NXPE2: variants seen among roughly 807,000 people sequenced by gnomAD.
NXPE2 encodes the protein NXPE family member 2.
A neutral mutation model predicts 34.4 loss-of-function variants in NXPE2; 34 were observed. That is an observed-to-expected ratio of 0.99 (90% CI 0.75 to 1.31). The LOEUF (loss-of-function observed/expected upper bound fraction) is 1.31. NXPE2 is among the 40% of genes most tolerant of loss of function. NXPE2 has a pLI of 0.00. For missense variants in NXPE2, 649 were observed against 672.5 expected (o/e 0.97, Z 0.39); for synonymous variants, 235 against 231.3 (o/e 1.02, Z -0.15).
chr11:114,647,457 G>A, the NXPE2 span, among the ~76,000 whole-genome samples: 1 of 152,020 alleles, frequency 6.6e-6, no homozygotes, highest in Non-Finnish European at 1.5e-5. Context: ...TATTTAAAGG[G>A]GGACAAAGTC....
the NXPE2 span, among the ~76,000 whole-genome samples, chr11:114,720,654 CATT>C: frequency 6.6e-6 from 1 of 152,094 alleles, no homozygotes; most frequent in Non-Finnish European, 1.5e-5. Flanking sequence ...TAAAATATCT[CATT>C]AATAATCTTT....
At chr11:114,684,492 T>C (rs1262133335) in intron 2 of NXPE2, among the ~76,000 whole-genome samples, 1 of 152,094 alleles carries the variant, frequency 6.6e-6, no homozygotes, top group African/African-American at 2.4e-5. Context: ...GCTGAAGTCA[T>C]TGTAGTCTGT....
chr11:114,561,327 T>G, the NXPE2 span, among the ~76,000 whole-genome samples: 8 of 152,180 alleles, frequency 5.3e-5, no homozygotes, highest in East Asian at 1.5e-3. Context: ...GAGATTGGCT[T>G]TTTTCTCCCA....
chr11:114,723,590 C>T, the NXPE2 span, among the ~76,000 whole-genome samples: 196 of 152,218 alleles, frequency 1.3e-3, no homozygotes, highest in African/African-American at 4.6e-3. Context: ...GCTGTATCCC[C>T]AAATCTAAGT....
At chr11:114,791,240 C>T in the NXPE2 span, among the ~76,000 whole-genome samples, 1 of 151,734 alleles carries the variant, frequency 6.6e-6, no homozygotes, top group African/African-American at 2.4e-5. Flanking sequence ...TAACAGGGTT[C>T]CCATGTGTTC....
chr11:114,751,568 C>T, the NXPE2 span, among the ~76,000 whole-genome samples: 14 of 151,972 alleles, frequency 9.2e-5, no homozygotes, highest in South Asian at 2.1e-3. Context: ...AAAATTAAAG[C>T]AGAAAAGGAG....
the NXPE2 span, chr11:114,570,896 A>T: frequency 1.7e-5 from 24 of 1,429,088 alleles, no homozygotes; most frequent in South Asian, 2.2e-4. Flanking sequence ...CAGTCAATAA[A>T]TTTTTTTACT....
the NXPE2 span, among the ~76,000 whole-genome samples, chr11:114,790,327 CT>C: frequency 1.2e-4 from 18 of 152,302 alleles, no homozygotes; most frequent in Admixed American, 2.6e-4. Flanking sequence ...TACAGTTGTC[CT>C]TCTGTAAGAA....
chr11:114,659,625 A>C, the NXPE2 span, among the ~76,000 whole-genome samples: 1 of 152,182 alleles, frequency 6.6e-6, no homozygotes, highest in African/African-American at 2.4e-5. Context: ...ATTTTTAATG[A>C]AATGAATATG....
At chr11:114,703,762 T>A (rs1276887900) in intron 3 of NXPE2, among the ~76,000 whole-genome samples, 1 of 151,976 alleles carries the variant, frequency 6.6e-6, no homozygotes, top group Non-Finnish European at 1.5e-5. Flanking sequence ...ATTTGATGGA[T>A]TGCGTATGGA....
chr11:114,775,948 G>A, the NXPE2 span, among the ~76,000 whole-genome samples: 2 of 151,714 alleles, frequency 1.3e-5, no homozygotes, highest in African/African-American at 4.8e-5. Context: ...AACTAATCCA[G>A]TCTGGCCACA....
the NXPE2 span, among the ~76,000 whole-genome samples, chr11:114,601,439 A>G: frequency 7.8e-6 from 1 of 128,684 alleles, no homozygotes; most frequent in African/African-American, 2.9e-5. Flanking sequence ...TTTTAAATTT[A>G]TGTATATATT....
chr11:114,518,620 C>T, the NXPE2 span, among the ~76,000 whole-genome samples: 1 of 152,170 alleles, frequency 6.6e-6, no homozygotes, highest in Admixed American at 6.5e-5. Flanking sequence ...AATGGGCAGA[C>T]CATCACTTTG....
At chr11:114,712,024 A>G (rs1019002637), downstream of NXPE2, among the ~76,000 whole-genome samples, 2 of 152,172 alleles carry the variant, frequency 1.3e-5, no homozygotes, top group East Asian at 1.9e-4. Flanking sequence ...CCTTTAACAA[A>G]TAGTATTGGG....
chr11:114,569,766 A>G, the NXPE2 span, among the ~76,000 whole-genome samples: 2 of 152,304 alleles, frequency 1.3e-5, no homozygotes, highest in East Asian at 3.9e-4. Context: ...AATTAGTGAA[A>G]TCAACTATAA....
At chr11:114,632,715 ATATAT>A in the NXPE2 span, among the ~76,000 whole-genome samples, 1 of 74,442 alleles carries the variant, frequency 1.3e-5, no homozygotes, top group Non-Finnish European at 2.3e-5. Context: ...ATATAATATA[ATATAT>A]ATAATATATA....
At chr11:114,469,423 C>G in the NXPE2 span, among the ~76,000 whole-genome samples, 4 of 152,122 alleles carry the variant, frequency 2.6e-5, no homozygotes, top group South Asian at 6.2e-4. Flanking sequence ...ACAGTGCTAG[C>G]TTTTTAAGAA....
the NXPE2 span, among the ~76,000 whole-genome samples, chr11:114,507,772 C>A: frequency 1.3e-5 from 2 of 151,840 alleles, no homozygotes; most frequent in Non-Finnish European, 2.9e-5. Flanking sequence ...TATGACAAAC[C>A]CATAGCCAAC....
At chr11:114,469,871 C>T in the NXPE2 span, among the ~76,000 whole-genome samples, 1 of 152,176 alleles carries the variant, frequency 6.6e-6, no homozygotes, top group African/African-American at 2.4e-5. Context: ...CCAATTCTGT[C>T]AACCAGTAAT....
Sources: gnomAD v4.1 joint callset for allele counts (sites outside exome capture counted in the v4.1 genomes callset) on GRCh38, gnomAD v4.1.1 for gene constraint, MANE v1.5 for transcripts, NCBI Gene and HGNC (gene_info 2026-07-23, HGNC 2026-07-21) for gene names.